The following BRF1 variants were observed in gnomAD, a reference collection of about 807,000 sequenced individuals.
The protein encoded by BRF1 is transcription factor IIIB 90 kDa subunit.
Under a neutral mutation model 81.7 loss-of-function variants are expected in BRF1, and 59 were observed. The ratio of observed to expected loss-of-function variants is 0.72; its 90% CI spans 0.59 to 0.90. BRF1 has a LOEUF of 0.90. BRF1 is among the 40% of genes least tolerant of loss of function. The pLI is 0.00. For synonymous variants in BRF1, 491 were observed against 395.6 expected (o/e 1.24, Z -2.86); for missense variants, 1,050 against 936.3 (o/e 1.12, Z -1.58).
At chr14:105,219,082 A>T (rs1566803193) in intron 13 of BRF1, 29 bp from the exon 14 acceptor site, 1 of 1,613,922 alleles carries the variant, frequency 6.2e-7, no homozygotes, top group Non-Finnish European at 8.5e-7. Context: ...GGCCAGCGTC[A>T]CTGAGGGCCC....
chr14:105,296,132 G>A (rs1398896110), intron 1 of BRF1, among the ~76,000 whole-genome samples: 1 of 151,166 alleles, frequency 6.6e-6, no homozygotes, highest in Non-Finnish European at 1.5e-5. Context: ...ACTCTTAGGG[G>A]CCAGGTGTGG....
chr14:105,302,119 A>C (rs2058052636), upstream of BRF1, among the ~76,000 whole-genome samples: 1 of 151,144 alleles, frequency 6.6e-6, no homozygotes. Flanking sequence ...AGCCTGGGTG[A>C]CGGGTGACAA....
chr14:105,217,903 C>G, intron 14 of BRF1, 103 bp from the exon 15 acceptor site: 1 of 1,520,630 alleles, frequency 6.6e-7, no homozygotes, highest in Non-Finnish European at 8.8e-7. Context: ...TGAGGCCTGG[C>G]TCAGGCCCTC....
chr14:105,211,132 C>T lies in BRF1; in HGVS notation c.1986G>A (p.Met662Ile), dbSNP rs139994197. 4 of 1,612,466 alleles carry T rather than the reference C, an allele frequency of 2.5e-6. No individual in the cohort carries two copies. Among genetic ancestry groups the T allele is most frequent in the Admixed American group, 3.3e-5 (2 of 59,992 alleles). The change falls in exon 17 of 18, where the codon ATG (methionine) becomes ATA (isoleucine). Residue 662 changes from methionine (M) to isoleucine (I), a missense_variant. By Grantham distance (10) the Met-to-Ile change is conservative. Around this residue, in one of 2 missense-constraint regions of BRF1, gnomAD observed 1,043 missense variants for 915.4 expected, o/e 1.14. Transcript: ENST00000547530. ...TCGGGCCCCACCCACCGTTGCTGCC[C>T]ATCATCTGCAGGGCACTGACGCAGG... ...GEPCVSALQM[M>I]GSNDYGCDGD...
intron 5 of BRF1, chr14:105,247,018 T>C: frequency 3.0e-6 from 3 of 985,464 alleles, no homozygotes; most frequent in Non-Finnish European, 3.6e-6. Context: ...ACATGTAGGC[T>C]GTCTCCACTC....
At chr14:105,248,234 C>T (rs2055260751) in intron 5 of BRF1, 3 of 985,386 alleles carry the variant, frequency 3.0e-6, no homozygotes, top group Non-Finnish European at 3.6e-6. Context: ...GGAAGCCCAA[C>T]GACCATCCCA....
chr14:105,215,102 G>C (rs587652212), intron 15 of BRF1, among the ~76,000 whole-genome samples: 3 of 152,296 alleles, frequency 2.0e-5, no homozygotes, highest in South Asian at 4.1e-4. Context: ...GGCCATGTTG[G>C]GGGGAAGACT....
At chr14:105,272,637 G>A (rs1192900094) in intron 3 of BRF1, 84 bp downstream of exon 3, 1 of 1,462,850 alleles carries the variant, frequency 6.8e-7, no homozygotes, top group South Asian at 1.4e-5. Context: ...CCAAGTTACT[G>A]CAACTACCAA....
chr14:105,301,147 G>GGACCCAAGGCTGGCGACGC (rs1799885115), upstream of BRF1: 6 of 152,826 alleles, frequency 3.9e-5, no homozygotes, highest in Admixed American at 2.6e-4. Flanking sequence ...GCTGGCGACG[G>GGACCCAAGGCTGGCGACGC]GACCCAAGGC....
chr14:105,287,511 C>T (rs973182500), intron 1 of BRF1, among the ~76,000 whole-genome samples: 8 of 151,614 alleles, frequency 5.3e-5, no homozygotes, highest in African/African-American at 1.7e-4. Context: ...GCAATCGGGA[C>T]GCGCAGACAA....
intron 4 of BRF1, among the ~76,000 whole-genome samples, chr14:105,253,083 A>C (rs1595394422): frequency 6.6e-6 from 1 of 152,082 alleles, no homozygotes; most frequent in Non-Finnish European, 1.5e-5. Context: ...AGATCCTGTC[A>C]CCCCTGCCTC....
In BRF1 at chr14:105,315,074, A is replaced by G. The variant is rs1275724771; in HGVS notation, c.-162+248T>C. On this transcript the variant is annotated intron_variant, in intron 1 of 17. Transcript: ENST00000327359. The surrounding 1 kb of genome is among the most constrained non-coding windows in gnomAD (Gnocchi z 4.4). Reference sequence around the variant, plus strand: ...CCGCCGCGCTTTGTTCCCGCCGGGCACCTGCTGGGGGTGTCCTGGCCGCGG... The same window carrying G: ...CCGCCGCGCTTTGTTCCCGCCGGGCGCCTGCTGGGGGTGTCCTGGCCGCGG... 5 of 1,115,880 alleles carry G rather than the reference A, an allele frequency of 4.5e-6. No homozygotes were observed. The highest frequency in any genetic ancestry group is 4.5e-5 in the Admixed American group (1 of 22,210). 69.1% of individuals were successfully genotyped at this position (1,115,880 alleles called of 1,614,324 possible). A position where few individuals can be genotyped will look rare whatever the true frequency, so the allele number is the denominator to read the frequency against.
intron 4 of BRF1, chr14:105,256,087 T>C (rs751563496): frequency 6.7e-5 from 72 of 1,075,570 alleles, no homozygotes; most frequent in Non-Finnish European, 8.2e-5. Flanking sequence ...ATCACGCCAC[T>C]GCACTCCAGC....
intron 1 of BRF1, among the ~76,000 whole-genome samples, chr14:105,289,925 C>T (rs984375580): frequency 1.3e-5 from 2 of 152,082 alleles, no homozygotes; most frequent in Non-Finnish European, 2.9e-5. Flanking sequence ...CGTGAGCCAC[C>T]ACGCCCCGCC....
intron 5 of BRF1, chr14:105,248,596 C>G: frequency 2.1e-6 from 2 of 948,380 alleles, no homozygotes; most frequent in Non-Finnish European, 2.5e-6. Context: ...CGGGACGGCG[C>G]CCCCCGCGGC....
At chr14:105,248,574 C>T (rs587744685) in intron 5 of BRF1, 2 of 82,620 alleles carry the variant, frequency 2.4e-5, no homozygotes, top group Non-Finnish European at 2.8e-5. Flanking sequence ...CGGGCTCGGG[C>T]GGGCGGGCGG....
intron 1 of BRF1, among the ~76,000 whole-genome samples, chr14:105,294,188 C>T (rs1009868949): frequency 3.3e-5 from 5 of 152,218 alleles, no homozygotes; most frequent in Admixed American, 3.3e-4. Flanking sequence ...ACCACCTGCG[C>T]CGGTCCCCAG....
intron 2 of BRF1, among the ~76,000 whole-genome samples, chr14:105,283,179 C>T (rs919950412): frequency 3.3e-5 from 5 of 152,152 alleles, no homozygotes; most frequent in Non-Finnish European, 5.9e-5. Flanking sequence ...CAGCAGGGGG[C>T]CTGACTGGCA....
chr14:105,249,124 C>A (rs1055678713), intron 5 of BRF1: 5 of 1,521,574 alleles, frequency 3.3e-6, no homozygotes, highest in Non-Finnish European at 4.4e-6. Context: ...CCGCGCGCGC[C>A]CACGCCCCCA....
Sources: gnomAD v4.1 joint callset for allele counts (sites outside exome capture counted in the v4.1 genomes callset) on GRCh38, gnomAD v4.1.1 for gene constraint, gnomAD v4.1.1 regional missense constraint, Gnocchi (gnomAD v3.1) non-coding constraint, MANE v1.5 for transcripts, NCBI Gene and HGNC (gene_info 2026-07-23, HGNC 2026-07-21) for gene names.